The following WDR27 variants were observed in gnomAD, a reference collection of about 807,000 sequenced individuals.
WDR27 encodes WD repeat-containing protein 27.
Under a neutral mutation model 114.4 loss-of-function variants are expected in WDR27, and 100 were observed. The ratio of observed to expected loss-of-function variants is 0.87; its 90% CI spans 0.74 to 1.03. WDR27 has a LOEUF of 1.03. Ranked by LOEUF, WDR27 falls within the 50% of genes least tolerant of loss-of-function variation. WDR27 has a pLI of 0.00. For missense variants in WDR27, 1,129 were observed against 1,092.9 expected, an observed-to-expected ratio of 1.03 and a Z score of -0.47; for synonymous variants, 449 against 423.1, an observed-to-expected ratio of 1.06 and a Z score of -0.75.
At chr6:169,645,791 CACT>C (rs1820576602) in intron 16 of WDR27, among the ~76,000 whole-genome samples, 1 of 151,258 alleles carries the variant, frequency 6.6e-6, no homozygotes, top group Admixed American at 6.6e-5. Flanking sequence ...ACAGAAGTCA[CACT>C]GTAGAAAAGC....
chr6:169,538,703 TACACACACACAC>T (rs10644528), intron 25 of WDR27, among the ~76,000 whole-genome samples: 2 of 143,852 alleles, frequency 1.4e-5, no homozygotes, highest in Admixed American at 7.0e-5. Flanking sequence ...CATACTGGAA[TACACACACACAC>T]ACACACACAC....
chr6:169,595,187 A>G (rs921227415), intron 23 of WDR27, among the ~76,000 whole-genome samples: 1 of 152,248 alleles, frequency 6.6e-6, no homozygotes, highest in African/African-American at 2.4e-5. Context: ...AACAACCACA[A>G]AGACATCAAT....
At chr6:169,614,373 G>A (rs1268398516) in intron 21 of WDR27, among the ~76,000 whole-genome samples, 1 of 152,118 alleles carries the variant, frequency 6.6e-6, no homozygotes, top group Non-Finnish European at 1.5e-5. Context: ...GGCTTACTAA[G>A]TTCAATAATA....
At chr6:169,510,680 T>G (rs1792711496) in intron 25 of WDR27, among the ~76,000 whole-genome samples, 1 of 151,600 alleles carries the variant, frequency 6.6e-6, no homozygotes, top group Non-Finnish European at 1.5e-5. Flanking sequence ...TACCTAATGC[T>G]AAATGACGAG....
chr6:169,589,933 C>T (rs1018843346), intron 23 of WDR27, among the ~76,000 whole-genome samples: 3 of 14,052 alleles, frequency 2.1e-4, no homozygotes, highest in East Asian at 3.3e-3. Flanking sequence ...AAAACCTATG[C>T]GGGTAAATCT....
chr6:169,497,639 G>A (rs1790579995), intron 25 of WDR27, among the ~76,000 whole-genome samples: 1 of 151,624 alleles, frequency 6.6e-6, no homozygotes, highest in Non-Finnish European at 1.5e-5. Flanking sequence ...TGTCCAAGAA[G>A]TGCATGAAAA....
chr6:169,533,823 CTGTGTGTG>C (rs71008099), intron 25 of WDR27, among the ~76,000 whole-genome samples: 1 of 149,812 alleles, frequency 6.7e-6, no homozygotes. Flanking sequence ...GAAGGTAAGC[CTGTGTGTG>C]TGTGTGTGTG....
At chr6:169,555,564 C>T (rs867344617) in intron 25 of WDR27, among the ~76,000 whole-genome samples, 36 of 152,118 alleles carry the variant, frequency 2.4e-4, no homozygotes, top group Non-Finnish European at 4.3e-4. Flanking sequence ...AATTAACACA[C>T]CAAAACTATG....
At chr6:169,488,208 T>C (rs1046130529) in intron 25 of WDR27, among the ~76,000 whole-genome samples, 2 of 152,208 alleles carry the variant, frequency 1.3e-5, no homozygotes, top group African/African-American at 4.8e-5. Context: ...GAAACACTCA[T>C]GCATTGGGGC....
Position 169,651,284 on chromosome 6 carries a change from G to A in WDR27, c.1481+646C>T, listed in dbSNP as rs116773093. Among the ~76,000 whole-genome samples the A allele has an allele frequency of 2.5e-3, 374 of 151,810 alleles. 1 individual carries two copies. Among genetic ancestry groups the A allele is most frequent in the African/African-American group, 8.6e-3 (356 of 41,278 alleles). ...CCAGGGAGACAAGCGTGTGCGCTGC[G>A]GTCAGGGACTCCAGGTAACAGAGCC... On this transcript the variant is annotated intron_variant, in intron 14 of 25. Coordinates refer to ENST00000448612, the MANE Select transcript of WDR27 (RefSeq NM_182552.5).
rs929193392 is a variant in WDR27, at chr6:169,701,596, C to G, written c.-53G>C. On this transcript the variant is annotated 5_prime_UTR_variant, in exon 1 of 26. Coordinates refer to ENST00000448612, the MANE Select transcript of WDR27 (RefSeq NM_182552.5). ...CTCCACATGCGCTCAGTTCTCAAAG[C>G]GCCGATCTCAAGCGGCCGCCCGGAT... is the stretch of plus-strand genomic sequence containing the variant. The G allele has an allele frequency of 6.0e-6, 1 of 167,952 alleles. No homozygotes were observed. The highest frequency in any genetic ancestry group is 2.4e-5 in the African/African-American group (1 of 41,516). 10.4% of individuals were successfully genotyped at this position (167,952 alleles called of 1,614,324 possible).
At chr6:169,475,789 G>T (rs571328842) in intron 25 of WDR27, among the ~76,000 whole-genome samples, 1 of 151,934 alleles carries the variant, frequency 6.6e-6, no homozygotes, top group Non-Finnish European at 1.5e-5. Flanking sequence ...TTGAGCCACT[G>T]CTCCATTTTT....
chr6:169,587,759 G>C (rs1213531279), intron 23 of WDR27, among the ~76,000 whole-genome samples: 2 of 152,244 alleles, frequency 1.3e-5, no homozygotes, highest in African/African-American at 4.8e-5. Context: ...TTTGCAATGA[G>C]ATTAAAAAGG....
intron 25 of WDR27, among the ~76,000 whole-genome samples, chr6:169,548,085 C>T (rs537795712): frequency 6.6e-6 from 1 of 152,252 alleles, no homozygotes; most frequent in East Asian, 1.9e-4. Flanking sequence ...ATATCATTTA[C>T]ATTAGCAACC....
intron 25 of WDR27, among the ~76,000 whole-genome samples, chr6:169,547,318 T>C (rs965185586): frequency 1.3e-5 from 2 of 152,166 alleles, no homozygotes; most frequent in Admixed American, 6.5e-5. Context: ...AAACTCATTC[T>C]ATGAGGCCAG....
chr6:169,581,055 C>T (rs1383638600), intron 24 of WDR27, among the ~76,000 whole-genome samples: 1 of 151,284 alleles, frequency 6.6e-6, no homozygotes, highest in East Asian at 1.9e-4. Context: ...TGTTCTTTAG[C>T]GGCCCTTCGT....
chr6:169,596,461 TG>T (rs1382238515), intron 23 of WDR27, among the ~76,000 whole-genome samples: 1 of 152,110 alleles, frequency 6.6e-6, no homozygotes, highest in Non-Finnish European at 1.5e-5. Context: ...CATATATTCC[TG>T]TTGTCTAGCA....
At chr6:169,539,447 C>G (rs533051059) in intron 25 of WDR27, among the ~76,000 whole-genome samples, 2 of 152,188 alleles carry the variant, frequency 1.3e-5, no homozygotes, top group African/African-American at 4.8e-5. Context: ...ATTTTGCCTA[C>G]TGCCCCAAAT....
chr6:169,662,176 T>C, intron 9 of WDR27, 128 bp downstream of exon 9: 1 of 965,316 alleles, frequency 1.0e-6, no homozygotes, highest in Non-Finnish European at 1.5e-6. Flanking sequence ...AAGAATGAAG[T>C]TACTAATAAT....
Sources: gnomAD v4.1 joint callset for allele counts (sites outside exome capture counted in the v4.1 genomes callset) on GRCh38, gnomAD v4.1.1 for gene constraint, MANE v1.5 for transcripts, NCBI Gene and HGNC (gene_info 2026-07-23, HGNC 2026-07-21) for gene names.